Variants in CLUL1 observed in about 807,000 individuals in gnomAD.
CLUL1 encodes the protein clusterin-like protein 1.
CLUL1 carries 43 observed loss-of-function variants against 49.4 expected under a neutral mutation model. The observed-to-expected ratio is 0.87, with a 90% CI of 0.68 to 1.12. The LOEUF (loss-of-function observed/expected upper bound fraction) is 1.12. Ranked by LOEUF, CLUL1 falls within the 50% of genes most tolerant of loss-of-function variation. The pLI, the probability that CLUL1 is intolerant of heterozygous loss-of-function variation, is 0.00. For missense variants in CLUL1, 486 were observed against 544.4 expected (o/e 0.89, Z 1.07); for synonymous variants, 192 against 184.9 (o/e 1.04, Z -0.31).
chr18:634,340 G>GC (rs1296670457), intron 7 of CLUL1, among the ~76,000 whole-genome samples: 1 of 152,046 alleles, frequency 6.6e-6, no homozygotes, highest in Non-Finnish European at 1.5e-5. Context: ...CACCATATTG[G>GC]CCAGGCTGGT....
chr18:604,381 T>C (rs1376845294), intron 1 of CLUL1, among the ~76,000 whole-genome samples: 1 of 152,216 alleles, frequency 6.6e-6, no homozygotes, highest in African/African-American at 2.4e-5. Flanking sequence ...AAGATTCATA[T>C]ACAATGGATA....
chr18:597,163 C>T (rs1298529706), intron 1 of CLUL1, 34 bp downstream of exon 1: 1 of 152,932 alleles, frequency 6.5e-6, no homozygotes, highest in Non-Finnish European at 1.5e-5. Context: ...GATTTCTCTC[C>T]TCGCCGCTCT....
chr18:615,004 A>C (rs1344170389), intron 2 of CLUL1, among the ~76,000 whole-genome samples: 3 of 152,298 alleles, frequency 2.0e-5, no homozygotes, highest in East Asian at 1.9e-4. Flanking sequence ...TAAACCTGAC[A>C]TTTTGAAATC....
intron 6 of CLUL1, among the ~76,000 whole-genome samples, chr18:629,995 T>C (rs1407001259): frequency 1.3e-5 from 2 of 152,186 alleles, no homozygotes; most frequent in Non-Finnish European, 2.9e-5. Flanking sequence ...GGCAAAATAA[T>C]GACTGCCCAA....
rs112704551 is a variant in CLUL1 at position 614,355 on chromosome 18, G to T, written c.-13-3633G>T. On this transcript the variant is annotated intron_variant, in intron 2 of 9. Transcript: ENST00000692774. The stretch of plus-strand genomic sequence containing the variant: ...GGGAGGGAAGGAAGGAAGGAAAGAA[G>T]GAAGGAAGGAAGGAAAAAGAAGAGA... Among the ~76,000 whole-genome samples the T allele has an allele frequency of 5.1e-3, 373 of 72,930 alleles. 2 individuals are homozygous for T. The highest frequency in any genetic ancestry group is 0.01 in the Non-Finnish European group (266 of 25,512). 47.8% of individuals were successfully genotyped at this position (72,930 alleles called of 152,430 possible).
At chr18:598,834 T>C (rs2072735272) in intron 1 of CLUL1, among the ~76,000 whole-genome samples, 1 of 152,226 alleles carries the variant, frequency 6.6e-6, no homozygotes, top group African/African-American at 2.4e-5. Context: ...ACCCCCTCTT[T>C]CTTTTTTTCA....
At chr18:638,728 C>T (rs766300122) in intron 7 of CLUL1, among the ~76,000 whole-genome samples, 1 of 151,578 alleles carries the variant, frequency 6.6e-6, no homozygotes, top group Non-Finnish European at 1.5e-5. Flanking sequence ...TGTGGTGGTA[C>T]GCACCTGTAG....
chr18:638,458 A>G (rs936467285), intron 7 of CLUL1, among the ~76,000 whole-genome samples: 3 of 152,270 alleles, frequency 2.0e-5, no homozygotes, highest in Non-Finnish European at 4.4e-5. Flanking sequence ...TACAAATTCA[A>G]TGAAAGTTTA....
At chr18:629,531 G>A (rs981303930) in intron 6 of CLUL1, among the ~76,000 whole-genome samples, 30 of 152,142 alleles carry the variant, frequency 2.0e-4, no homozygotes, top group Non-Finnish European at 3.1e-4. Context: ...CACCAGCTAC[G>A]AACATAGGTT....
chr18:649,817 T>G, intron 9 of CLUL1, 81 bp from the exon 10 acceptor site: 1 of 970,760 alleles, frequency 1.0e-6, no homozygotes, highest in Non-Finnish European at 1.6e-6. Flanking sequence ...TCCTGGACTT[T>G]TACTCCAAGA....
chr18:619,308 A>T lies in CLUL1; in HGVS notation c.202A>T (p.Lys68Ter). 3 of 1,614,134 alleles carry T rather than the reference A, an allele frequency of 1.9e-6. No homozygotes were observed. The highest frequency in any genetic ancestry group is 2.5e-6 in the Non-Finnish European group (3 of 1,179,992). ...GAAAATCATGATGGAAAGAAAAGAG[A>T]AGGAACACACCAATCTAATGAGCAC... Reference protein sequence around the residue: ...QMKIMMERKEKEHTNLMSTLK... With the variant: ...QMKIMMERKE Residue 68 changes from lysine (K) to a stop codon, truncating the protein, a stop_gained, in exon 4 of 10, where the codon AAG (lysine) becomes TAG (stop). Coordinates refer to ENST00000692774, the MANE Select transcript of CLUL1 (RefSeq NM_001393344.1). LOFTEE classifies it high-confidence loss of function.
intron 6 of CLUL1, among the ~76,000 whole-genome samples, chr18:631,712 G>A (rs530590268): frequency 6.6e-6 from 1 of 152,288 alleles, no homozygotes; most frequent in East Asian, 1.9e-4. Context: ...AAGGAAAACA[G>A]ATTAGTGAAC....
intron 5 of CLUL1, among the ~76,000 whole-genome samples, chr18:626,783 C>G (rs1389820289): frequency 6.7e-6 from 1 of 148,328 alleles, no homozygotes; most frequent in East Asian, 2.0e-4. Flanking sequence ...ATCACTTGAA[C>G]CCAGGAGGCG....
At chr18:600,444 G>A (rs2072794321) in intron 1 of CLUL1, among the ~76,000 whole-genome samples, 1 of 152,178 alleles carries the variant, frequency 6.6e-6, no homozygotes, top group Non-Finnish European at 1.5e-5. Flanking sequence ...CTTAGCACAT[G>A]CAGAGATTTG....
chr18:598,653 G>A (rs2072729163), intron 1 of CLUL1: 1 of 398,052 alleles, frequency 2.5e-6, no homozygotes, highest in African/African-American at 2.1e-5. Context: ...CTGAGTTCTT[G>A]GATGGTTTTC....
intron 6 of CLUL1, among the ~76,000 whole-genome samples, chr18:628,452 A>G (rs1261536326): frequency 2.0e-5 from 3 of 152,174 alleles, no homozygotes; most frequent in Non-Finnish European, 4.4e-5. Context: ...GGCGGCAGAT[A>G]TCTTCTGTGG....
chr18:633,551 C>A, intron 7 of CLUL1, 116 bp downstream of exon 7: 2 of 953,752 alleles, frequency 2.1e-6, no homozygotes, highest in South Asian at 1.7e-5. Flanking sequence ...CTTTTTAATT[C>A]TCAGCAAGGA....
intron 6 of CLUL1, among the ~76,000 whole-genome samples, chr18:628,915 GAGCCACCACACCCAGCC>G (rs199585721): frequency 0.013 from 1,935 of 152,002 alleles, 10 homozygotes; most frequent in Non-Finnish European, 0.019. Flanking sequence ...TTACAAGCAT[GAGCCACCACACCCAGCC>G]AGCCACCACA....
intron 2 of CLUL1, among the ~76,000 whole-genome samples, chr18:611,829 G>A (rs1016217484): frequency 6.6e-6 from 1 of 152,144 alleles, no homozygotes; most frequent in African/African-American, 2.4e-5. Flanking sequence ...ATTCTTGTTG[G>A]TAGTGAGAGT....
Sources: gnomAD v4.1 joint callset for allele counts (sites outside exome capture counted in the v4.1 genomes callset) on GRCh38, gnomAD v4.1.1 for gene constraint, MANE v1.5 for transcripts, NCBI Gene and HGNC (gene_info 2026-07-23, HGNC 2026-07-21) for gene names.